Variants in ADGRB2 observed in about 807,000 individuals in gnomAD.
The protein encoded by ADGRB2 is adhesion G protein-coupled receptor B2.
A neutral mutation model predicts 178.7 loss-of-function variants in ADGRB2; 47 were observed. The observed-to-expected ratio is 0.26, with a 90% CI of 0.21 to 0.34. The LOEUF (loss-of-function observed/expected upper bound fraction) is 0.34. Among genes scored for constraint, ADGRB2 ranks in the 10% least tolerant of loss-of-function variants. The probability of loss-of-function intolerance (pLI) is 1.00; values close to 1 mark genes in which losing one functional copy is unlikely to be tolerated. For synonymous variants in ADGRB2, 870 were observed against 912.4 expected (o/e 0.95, Z 0.84); for missense variants, 1,584 against 2,180.8 (o/e 0.73, Z 5.45).
intron 29 of ADGRB2, among the ~76,000 whole-genome samples, chr1:31,730,598 A>G (rs1425263297): frequency 6.6e-6 from 1 of 152,228 alleles, no homozygotes; most frequent in Non-Finnish European, 1.5e-5. Flanking sequence ...GTACAATTCT[A>G]CTGTGTGAAG....
rs1416414815 is a variant in ADGRB2, at chr1:31,755,332, C to T, written c.838+667G>A. 6.6e-6 allele frequency among the ~76,000 whole-genome samples: 1 copy of T among 152,192 alleles called. No individual in the cohort carries two copies. Among genetic ancestry groups the T allele is most frequent in the African/African-American group, 2.4e-5 (1 of 41,442 alleles). On this transcript the variant is annotated intron_variant, in intron 4 of 32. Transcript: ENST00000373658. The surrounding 1 kb of genome is among the most constrained non-coding windows in gnomAD (Gnocchi z 5.1). ...AGGGCTCGCAGAGCTTTTGCCCAGTCAGCAGGAAGCTCTAGCAGCTGGCGG... is the reference window on the plus strand; with the variant it reads ...AGGGCTCGCAGAGCTTTTGCCCAGTTAGCAGGAAGCTCTAGCAGCTGGCGG...
intron 1 of ADGRB2, among the ~76,000 whole-genome samples, chr1:31,762,680 G>A (rs1339755205): frequency 6.6e-6 from 1 of 151,442 alleles, no homozygotes; most frequent in African/African-American, 2.4e-5. Flanking sequence ...CTAGCACGAG[G>A]AGGCACCTGG....
intron 1 of ADGRB2, among the ~76,000 whole-genome samples, chr1:31,762,889 G>A (rs1425046320): frequency 6.6e-6 from 1 of 152,134 alleles, no homozygotes; most frequent in Admixed American, 6.5e-5. Flanking sequence ...GCATCTCTCG[G>A]CCCGGGCGCC....
Position 31,764,148 on chromosome 1 carries a change from C to G in ADGRB2, c.-455G>C, listed in dbSNP as rs1438940406. The G allele has an allele frequency of 3.1e-6, 2 of 643,028 alleles. No homozygotes were observed. The highest frequency in any genetic ancestry group is 6.6e-5 in the South Asian group (1 of 15,204). The allele number at this position is 643,028 out of a possible 1,614,324, so 39.8% of individuals were successfully genotyped here. A position where few individuals can be genotyped will look rare whatever the true frequency, so the allele number is the denominator to read the frequency against. ...GCCGCCTCCTTGCCGCGCCGCCCCCCGCTCCCCCGCTCCCCCGCCCCGAGC... is the reference window on the plus strand; with the variant it reads ...GCCGCCTCCTTGCCGCGCCGCCCCCGGCTCCCCCGCTCCCCCGCCCCGAGC... On this transcript the variant is annotated 5_prime_UTR_variant, in exon 1 of 33. Transcript: ENST00000373658. This position sits in a 1 kb window ranked among gnomAD's most constrained non-coding sequence, Gnocchi z 7.3.
chr1:31,754,739 T>A lies in ADGRB2; in HGVS notation c.838+1260A>T, dbSNP rs371712587. On this transcript the variant is annotated intron_variant, in intron 4 of 32. Coordinates refer to ENST00000373658, the MANE Select transcript of ADGRB2 (RefSeq NM_001364857.2). The surrounding 1 kb of genome is among the most constrained non-coding windows in gnomAD (Gnocchi z 5.7). ...TCGAAAGTACTGGGTTAGGCTACTT[T>A]CAAGATAACTACCCCCTCTAATTAA... is the stretch of plus-strand genomic sequence containing the variant. 1.1e-4 allele frequency among the ~76,000 whole-genome samples: 17 copies of A among 152,346 alleles called. No individual in the cohort carries two copies. The highest frequency in any genetic ancestry group is 3.4e-3 in the Middle Eastern group (1 of 294).
rs1017680249 is a variant in ADGRB2 at position 31,740,943 on chromosome 1, ACTCT to A, written c.1795-406_1795-403del. Among the ~76,000 whole-genome samples the A allele has an allele frequency of 7.2e-6, 1 of 138,858 alleles. No homozygotes were observed. The highest frequency in any genetic ancestry group is 2.1e-4 in the East Asian group (1 of 4,690). 91.1% of individuals were successfully genotyped at this position (138,858 alleles called of 152,430 possible). A position where few individuals can be genotyped will look rare whatever the true frequency, so the allele number is the denominator to read the frequency against. ...CACACACACTGTCTTTCTCTCTCTC[ACTCT>A]CTCTCAACACAAGCTCTAAATGCAT... On this transcript the variant is annotated intron_variant, in intron 11 of 32. Coordinates refer to ENST00000373658, the MANE Select transcript of ADGRB2 (RefSeq NM_001364857.2). This position sits in a 1 kb window ranked among gnomAD's most constrained non-coding sequence, Gnocchi z 5.9.
intron 29 of ADGRB2, among the ~76,000 whole-genome samples, chr1:31,729,249 G>A (rs1645154907): frequency 6.6e-6 from 1 of 152,158 alleles, no homozygotes; most frequent in African/African-American, 2.4e-5. Flanking sequence ...ATGAAGCCAA[G>A]GCCAACTTTC....
intron 25 of ADGRB2, among the ~76,000 whole-genome samples, chr1:31,734,533 G>A (rs1384616844): frequency 1.3e-5 from 2 of 152,240 alleles, no homozygotes; most frequent in Non-Finnish European, 2.9e-5. Flanking sequence ...GATAAAGCTG[G>A]ACCTCACTGG....
Position 31,735,138 on chromosome 1 carries a change from C to G in ADGRB2, c.3452+45G>C. 1.5e-5 allele frequency: 18 copies of G among 1,201,920 alleles called. No individual in the cohort carries two copies. Among genetic ancestry groups the G allele is most frequent in the Non-Finnish European group, 1.9e-5 (17 of 893,176 alleles). 74.5% of individuals were successfully genotyped at this position (1,201,920 alleles called of 1,614,324 possible). ...CCATGGGCACTGCCCCCCCCAATTC[C>G]TTTGCCCCACCCACCCCCACCGCCC... On this transcript the variant is annotated intron_variant, in intron 25 of 32. Transcript: ENST00000373658. This position sits in a 1 kb window ranked among gnomAD's most constrained non-coding sequence, Gnocchi z 6.0.
rs1270727867 is a variant in ADGRB2, at chr1:31,739,531, G to A, written c.2272C>T (p.Arg758Cys). 7 of 1,613,098 alleles carry A rather than the reference G, an allele frequency of 4.3e-6. No individual in the cohort carries two copies. The highest frequency in any genetic ancestry group is 5.1e-6 in the Non-Finnish European group (6 of 1,179,958). The change falls in exon 15 of 33, where the codon CGC (arginine) becomes TGC (cysteine). Residue 758 changes from arginine (R) to cysteine (C), a missense_variant. Transcript: ENST00000373658. Reference sequence around the variant, plus strand: ...AGCACCTCCTTGGGCAGGAAGAGGCGGTCCTCTGAGTGCCGCACCCAGTCC... The same window carrying A: ...AGCACCTCCTTGGGCAGGAAGAGGCAGTCCTCTGAGTGCCGCACCCAGTCC... ...MKDWVRHSED[R>C]LFLPKEVLSL...
chr1:31,733,926 G>A lies in ADGRB2; in HGVS notation c.3453-783C>T, dbSNP rs1489828705. 3.3e-5 allele frequency among the ~76,000 whole-genome samples: 5 copies of A among 152,166 alleles called. No individual in the cohort carries two copies. Among genetic ancestry groups the A allele is most frequent in the African/African-American group, 9.7e-5 (4 of 41,430 alleles). ...GACAGCCAGGCCACCATACCCTCCC[G>A]GGCCAGGTGCCACACTCAGCCCACT... is the stretch of plus-strand genomic sequence containing the variant. On this transcript the variant is annotated intron_variant, in intron 25 of 32. Coordinates refer to ENST00000373658, the MANE Select transcript of ADGRB2 (RefSeq NM_001364857.2). The surrounding 1 kb of genome is among the most constrained non-coding windows in gnomAD (Gnocchi z 4.3).
At chr1:31,737,247 C>T (rs1645664078) in intron 20 of ADGRB2, among the ~76,000 whole-genome samples, 182 bp downstream of exon 20, 1 of 152,186 alleles carries the variant, frequency 6.6e-6, no homozygotes. Context: ...CTTGAGTACA[C>T]ACCCCCTCTC....
Position 31,740,827 on chromosome 1 carries a change from G to A in ADGRB2, c.1795-286C>T, listed in dbSNP as rs1645902417. Among the ~76,000 whole-genome samples, 1 of 151,132 alleles carries A rather than the reference G, an allele frequency of 6.6e-6. No homozygotes were observed. On this transcript the variant is annotated intron_variant, in intron 11 of 32. Transcript: ENST00000373658. This position sits in a 1 kb window ranked among gnomAD's most constrained non-coding sequence, Gnocchi z 5.9. ...AGATATAAGCACAGTATGGGAACAGGGTACCTCCCCATCCCAAAGGGGTCA... is the reference window on the plus strand; with the variant it reads ...AGATATAAGCACAGTATGGGAACAGAGTACCTCCCCATCCCAAAGGGGTCA...
rs1645057548 is a variant in ADGRB2, at chr1:31,727,743, T to C, written c.4573-138A>G. The C allele has an allele frequency of 4.8e-6, 5 of 1,031,900 alleles. No homozygotes were observed. The highest frequency in any genetic ancestry group is 6.8e-6 in the Non-Finnish European group (5 of 737,574). The allele number at this position is 1,031,900 out of a possible 1,614,324, so 63.9% of individuals were successfully genotyped here. A position where few individuals can be genotyped will look rare whatever the true frequency, so the allele number is the denominator to read the frequency against. ...AATCAGGTGTCAAGCAGAATTCAAA[T>C]ACAGACCTGCCTGGTTCCAGGGTGG... On this transcript the variant is annotated intron_variant, in intron 32 of 32. Coordinates refer to ENST00000373658, the MANE Select transcript of ADGRB2 (RefSeq NM_001364857.2). This position sits in a 1 kb window ranked among gnomAD's most constrained non-coding sequence, Gnocchi z 4.4.
Position 31,759,454 on chromosome 1 carries a change from C to T in ADGRB2, c.-190-1943G>A, listed in dbSNP as rs886671831. The T allele has an allele frequency of 9.2e-6, 7 of 762,446 alleles. No individual in the cohort carries two copies. The highest frequency in any genetic ancestry group is 1.7e-5 in the Non-Finnish European group (7 of 407,810). 47.2% of individuals were successfully genotyped at this position (762,446 alleles called of 1,614,324 possible). ...TGCTCCTAGGCTGCTGCTCCCTACT[C>T]CACAGCCCCGCCCCATCAAGAAGCA... On this transcript the variant is annotated intron_variant, in intron 1 of 32. Coordinates refer to ENST00000373658, the MANE Select transcript of ADGRB2 (RefSeq NM_001364857.2). The surrounding 1 kb of genome is among the most constrained non-coding windows in gnomAD (Gnocchi z 4.3).
At chr1:31,751,460 T>A (rs1330759883) in intron 4 of ADGRB2, among the ~76,000 whole-genome samples, 1 of 152,228 alleles carries the variant, frequency 6.6e-6, no homozygotes, top group African/African-American at 2.4e-5. Context: ...ATAAATTACA[T>A]GGTCACTTTA....
At position 31,756,433 on chromosome 1, in the gene ADGRB2, G is replaced by T. The variant is rs753123086; in HGVS notation, c.404C>A (p.Ala135Glu). Residue 135 changes from alanine to glutamate, a missense_variant, in exon 4 of 33, where the codon GCG (alanine) becomes GAG (glutamate). By Grantham distance (107) the Ala-to-Glu change is moderately radical. This residue lies in a region of ADGRB2 where 657 missense variants were observed against 847.6 expected (regional missense o/e 0.78). Transcript: ENST00000373658. The surrounding 1 kb of genome is among the most constrained non-coding windows in gnomAD (Gnocchi z 8.5). Reference protein sequence around the residue: ...VGRPEEEEAEAAAGLELCSGS... With the variant: ...VGRPEEEEAEEAAGLELCSGS... ...GCTGCACAGCTCCAACCCCGCTGCC[G>T]CCTCTGCCTCCTCCTCTTCTGGCCG... 1.2e-6 allele frequency: 2 copies of T among 1,611,736 alleles called. No homozygotes were observed. The highest frequency in any genetic ancestry group is 1.7e-6 in the Non-Finnish European group (2 of 1,179,234).
chr1:31,728,338 A>AC lies in ADGRB2; in HGVS notation c.4417-59dup. The AC allele has an allele frequency of 6.5e-7, 1 of 1,547,022 alleles. No homozygotes were observed. Among genetic ancestry groups the AC allele is most frequent in the Non-Finnish European group, 8.9e-7 (1 of 1,128,854 alleles). On this transcript the variant is annotated intron_variant, in intron 30 of 32. Coordinates refer to ENST00000373658, the MANE Select transcript of ADGRB2 (RefSeq NM_001364857.2). This position sits in a 1 kb window ranked among gnomAD's most constrained non-coding sequence, Gnocchi z 6.7. ...CCGGGGCAGCACCATGATCCCCCCT[A>AC]CCCAGGGCACTCAGCACCCCAAGCC...
Position 31,737,734 on chromosome 1 carries a change from G to A in ADGRB2, c.2794C>T (p.Pro932Ser), listed in dbSNP as rs747171444. The change falls in exon 19 of 33, where the codon CCC becomes TCC. Residue 932 changes from proline (P) to serine (S), a missense_variant. Physicochemically the swap from Pro to Ser is moderately conservative, Grantham distance 74 (BLOSUM62 -1). Transcript: ENST00000373658. ...KDLTLELAGSPSVPLVIGCAV... is the reference protein window; with the variant it reads ...KDLTLELAGSSSVPLVIGCAV... ...CAGCCGATCACCAGGGGGACCGAGG[G>A]GGAGCCCGCCAGCTCCAGGGTCTGG... The A allele has an allele frequency of 1.1e-5, 18 of 1,613,646 alleles. No individual in the cohort carries two copies. Among genetic ancestry groups the A allele is most frequent in the Non-Finnish European group, 1.4e-5 (17 of 1,180,012 alleles).
Sources: gnomAD v4.1 joint callset for allele counts (sites outside exome capture counted in the v4.1 genomes callset) on GRCh38, gnomAD v4.1.1 for gene constraint, gnomAD v4.1.1 regional missense constraint, Gnocchi (gnomAD v3.1) non-coding constraint, MANE v1.5 for transcripts, NCBI Gene and HGNC (gene_info 2026-07-23, HGNC 2026-07-21) for gene names.